SCAF11: variants seen among roughly 807,000 people sequenced by gnomAD.
SCAF11 encodes SR-related CTD associated factor 11.
In SCAF11, 47 loss-of-function variants were observed where a neutral mutation model predicts 140.5. The observed-to-expected ratio is 0.33, with a 90% CI of 0.26 to 0.43. The LOEUF is 0.43. SCAF11 is among the 20% of genes least tolerant of loss of function. The pLI, the probability that SCAF11 is intolerant of heterozygous loss-of-function variation, is 1.00. For synonymous variants in SCAF11, 557 were observed against 579.4 expected (o/e 0.96, Z 0.55); for missense variants, 1,645 against 1,705.1 (o/e 0.96, Z 0.62).
In SCAF11 at chr12:45,926,376, T is replaced by C; in HGVS notation, c.3325A>G (p.Ser1109Gly). Residue 1109 changes from serine to glycine, a missense_variant, in exon 11 of 15, where the codon AGT becomes GGT. Transcript: ENST00000369367. Reference sequence around the variant, plus strand: ...AACTTGAAAGATTCACTCCCTGAACTGTTTGAATTCCCTGAGAGGGGTTTT... The same window carrying C: ...AACTTGAAAGATTCACTCCCTGAACCGTTTGAATTCCCTGAGAGGGGTTTT... ...NRKPLSGNSN[S>G]SGSESFKFVE... 6.2e-7 allele frequency: 1 copy of C among 1,614,206 alleles called. No homozygotes were observed. The highest frequency in any genetic ancestry group is 8.5e-7 in the Non-Finnish European group (1 of 1,180,038).
chr12:45,991,944 C>A (rs1463090738), upstream of SCAF11: 1 of 1,289,004 alleles, frequency 7.8e-7, no homozygotes, highest in East Asian at 5.6e-5. Flanking sequence ...TGCCCCCGTT[C>A]TGTTCGCGCG....
intron 3 of SCAF11, chr12:45,961,368 T>C: frequency 1.4e-6 from 1 of 713,738 alleles, no homozygotes; most frequent in East Asian, 2.7e-5. Context: ...TTATTAGTGG[T>C]AAACAGATAT....
chr12:45,934,515 G>A lies in SCAF11; in HGVS notation c.464-10C>T. On this transcript the variant is annotated splice_polypyrimidine_tract_variant and intron_variant, in intron 6 of 14. Transcript: ENST00000369367. ...CTGTATAAAGAGTTTCCTGTACAAAGACATAAAAGGACTTGGTTACCTTGT... is the reference window on the plus strand; with the variant it reads ...CTGTATAAAGAGTTTCCTGTACAAAAACATAAAAGGACTTGGTTACCTTGT... 6.5e-7 allele frequency: 1 copy of A among 1,541,336 alleles called. No homozygotes were observed. Among genetic ancestry groups the A allele is most frequent in the Non-Finnish European group, 8.7e-7 (1 of 1,148,760 alleles).
At chr12:45,972,931 T>TAG (rs750951415) in intron 1 of SCAF11, among the ~76,000 whole-genome samples, 36,985 of 75,866 alleles carry the variant, frequency 0.49, 9,069 homozygotes, top group Non-Finnish European at 0.56. Context: ...GATATATAGA[T>TAG]ATATATAGAT....
intron 9 of SCAF11, among the ~76,000 whole-genome samples, chr12:45,932,687 T>G (rs1945079053): frequency 1.3e-5 from 2 of 152,046 alleles, no homozygotes; most frequent in Non-Finnish European, 2.9e-5. Flanking sequence ...AATAAAAAAC[T>G]AGATTACAGA....
In SCAF11 at chr12:45,985,005, T is replaced by G. The variant is rs147698283; in HGVS notation, c.-22+5348A>C. Among the ~76,000 whole-genome samples, 420 of 152,246 alleles carry G rather than the reference T, an allele frequency of 2.8e-3. 2 individuals carry two copies. The highest frequency in any genetic ancestry group is 9.7e-3 in the African/African-American group (403 of 41,544). ...CCACCACACCCAGCCACTTCCTTACTTTTGGACATAAGAAAATGAAGCTCA... is the reference window on the plus strand; with the variant it reads ...CCACCACACCCAGCCACTTCCTTACGTTTGGACATAAGAAAATGAAGCTCA... On this transcript the variant is annotated intron_variant, in intron 1 of 14. Coordinates refer to ENST00000369367, the MANE Select transcript of SCAF11 (RefSeq NM_004719.3).
chr12:45,928,848 T>G lies in SCAF11; in HGVS notation c.853A>C (p.Lys285Gln). Residue 285 changes from lysine to glutamine, a missense_variant, in exon 11 of 15, where the codon AAG becomes CAG. Transcript: ENST00000369367. ...TGAGTATGTGCTAATGCATATCCCT[T>G]GCAAGAAGTACCTAATAATATTTAA... ...ISFEHFGTSC[K>Q]GYALAHTQEG... 1 of 1,537,160 alleles carries G rather than the reference T, an allele frequency of 6.5e-7. No homozygotes were observed. The highest frequency in any genetic ancestry group is 8.7e-7 in the Non-Finnish European group (1 of 1,144,958).
At chr12:45,987,996 G>A (rs1227674649) in intron 1 of SCAF11, among the ~76,000 whole-genome samples, 1 of 152,188 alleles carries the variant, frequency 6.6e-6, no homozygotes, top group Non-Finnish European at 1.5e-5. Context: ...ATGCAAAGAT[G>A]AGTTTTGGGA....
At chr12:45,955,172 T>A (rs1382046845) in intron 3 of SCAF11, 1 of 152,146 alleles carries the variant, frequency 6.6e-6, no homozygotes, top group Non-Finnish European at 1.5e-5. Flanking sequence ...ATCATAATTT[T>A]TTTTTTAAAC....
rs1946117366 is a variant in SCAF11, at chr12:45,972,893, GATATATATATATATAGATAT to G, written c.-21-8725_-21-8706del. On this transcript the variant is annotated intron_variant, in intron 1 of 14. Transcript: ENST00000369367. The stretch of plus-strand genomic sequence containing the variant: ...ATATATATATATAGATATATATATA[GATATATATATATATAGATAT>G]ATATATAGATATATAGATATATATA... Among the ~76,000 whole-genome samples the G allele has an allele frequency of 1.4e-4, 9 of 63,796 alleles. 1 individual carries two copies. The highest frequency in any genetic ancestry group is 1.3e-3 in the South Asian group (2 of 1,600). The allele number at this position is 63,796 out of a possible 152,430, so 41.9% of individuals were successfully genotyped here.
chr12:45,963,380 A>G (rs1476856569), intron 2 of SCAF11, among the ~76,000 whole-genome samples: 2 of 152,188 alleles, frequency 1.3e-5, no homozygotes, highest in Non-Finnish European at 2.9e-5. Flanking sequence ...CCTACAAAAG[A>G]GAATGATAAT....
chr12:45,980,652 G>A (rs972986096), intron 1 of SCAF11, among the ~76,000 whole-genome samples: 1 of 152,116 alleles, frequency 6.6e-6, no homozygotes, highest in Non-Finnish European at 1.5e-5. Context: ...CAACTCACCT[G>A]AACATCATAT....
At chr12:45,966,473 A>G (rs559615434) in intron 1 of SCAF11, among the ~76,000 whole-genome samples, 1 of 152,004 alleles carries the variant, frequency 6.6e-6, no homozygotes, top group African/African-American at 2.4e-5. Flanking sequence ...AGTAAGTAAA[A>G]TATCTAGTAT....
intron 3 of SCAF11, among the ~76,000 whole-genome samples, chr12:45,952,584 A>C (rs939188784): frequency 6.6e-6 from 1 of 152,192 alleles, no homozygotes; most frequent in African/African-American, 2.4e-5. Context: ...TATGATTATA[A>C]GTCAACATTA....
chr12:45,947,128 G>A (rs770748700), intron 5 of SCAF11, among the ~76,000 whole-genome samples: 1 of 152,096 alleles, frequency 6.6e-6, no homozygotes, highest in Non-Finnish European at 1.5e-5. Context: ...CTGATGAAAA[G>A]TACTAATGAA....
intron 1 of SCAF11, chr12:45,974,216 T>C: frequency 2.1e-6 from 1 of 470,930 alleles, no homozygotes; most frequent in South Asian, 1.5e-5. Context: ...CTAACAATCA[T>C]CTCAGCAAGG....
Position 45,940,486 on chromosome 12 carries a change from G to A in SCAF11, c.463+4763C>T, listed in dbSNP as rs369471346. Reference sequence around the variant, plus strand: ...TTATTTTGTAGTAGAAAGTGGCATTGGATATAGAGTCAGAAGACTGGATCA... The same window carrying A: ...TTATTTTGTAGTAGAAAGTGGCATTAGATATAGAGTCAGAAGACTGGATCA... On this transcript the variant is annotated intron_variant, in intron 6 of 14. Coordinates refer to ENST00000369367, the MANE Select transcript of SCAF11 (RefSeq NM_004719.3). Among the ~76,000 whole-genome samples the A allele has an allele frequency of 7.6e-4, 116 of 152,276 alleles. 3 individuals are homozygous for A. In the South Asian group the frequency reaches 0.024, roughly 31 times the overall value.
intron 6 of SCAF11, among the ~76,000 whole-genome samples, chr12:45,939,698 C>A (rs955059022): frequency 6.6e-6 from 1 of 152,166 alleles, no homozygotes; most frequent in Admixed American, 6.5e-5. Flanking sequence ...GGCAACAAGA[C>A]CGAAACTCCA....
At chr12:45,990,265 G>A in intron 1 of SCAF11, 88 bp downstream of exon 1, 2 of 1,229,404 alleles carry the variant, frequency 1.6e-6, no homozygotes, top group Non-Finnish European at 2.0e-6. Flanking sequence ...CCCTAGGCCC[G>A]CTCCAGCGCT....
Sources: allele counts gnomAD v4.1 joint callset (sites outside exome capture counted in the v4.1 genomes callset), GRCh38; gene constraint gnomAD v4.1.1; transcripts MANE v1.5; gene names NCBI Gene and HGNC (gene_info 2026-07-23, HGNC 2026-07-21).